The following ROBO2 variants were observed in gnomAD, a reference collection of about 807,000 sequenced individuals.
The protein encoded by ROBO2 is roundabout guidance receptor 2.
In ROBO2, 53 loss-of-function variants were observed where a neutral mutation model predicts 160.8. The observed-to-expected ratio is 0.33, with a 90% confidence interval of 0.26 to 0.41. The LOEUF (loss-of-function observed/expected upper bound fraction) is 0.41, where lower values mean the gene tolerates loss of function less well. Among genes scored for constraint, ROBO2 ranks in the 10% least tolerant of loss-of-function variants. The probability of loss-of-function intolerance (pLI) is 1.00; values close to 1 mark genes in which losing one functional copy is unlikely to be tolerated. For synonymous variants in ROBO2, 664 were observed against 611.7 expected, an observed-to-expected ratio of 1.09 and a Z score of -1.26; for missense variants, 1,577 against 1,722.4, an observed-to-expected ratio of 0.92 and a Z score of 1.49.
chr3:76,791,856 G>A (rs912665568), intron 2 of ROBO2, among the ~76,000 whole-genome samples: 2 of 151,682 alleles, frequency 1.3e-5, no homozygotes, highest in African/African-American at 4.8e-5. Flanking sequence ...ATTAAAAATA[G>A]TACAAACTTT....
intron 2 of ROBO2, among the ~76,000 whole-genome samples, chr3:77,007,292 CCAA>C (rs2061631489): frequency 6.6e-6 from 1 of 152,104 alleles, no homozygotes; most frequent in South Asian, 2.1e-4. Flanking sequence ...GAATTCATCA[CCAA>C]CGACAGATAC....
intron 2 of ROBO2, among the ~76,000 whole-genome samples, chr3:76,018,618 T>A (rs1014270344): frequency 6.6e-6 from 1 of 151,910 alleles, no homozygotes; most frequent in Non-Finnish European, 1.5e-5. Context: ...AAAAAAATTG[T>A]TTTTTTCTGA....
chr3:76,347,357 G>C (rs930537719), intron 2 of ROBO2, among the ~76,000 whole-genome samples: 2 of 152,064 alleles, frequency 1.3e-5, no homozygotes, highest in Admixed American at 1.3e-4. Context: ...TTTATATTGA[G>C]TTTAAACAGT....
At chr3:76,339,499 A>G (rs1317096643) in intron 2 of ROBO2, among the ~76,000 whole-genome samples, 2 of 152,144 alleles carry the variant, frequency 1.3e-5, no homozygotes, top group Non-Finnish European at 2.9e-5. Context: ...TTATGAGGAC[A>G]AAAGATTGAC....
chr3:76,132,187 C>T (rs2071247858), intron 2 of ROBO2, among the ~76,000 whole-genome samples: 1 of 152,120 alleles, frequency 6.6e-6, no homozygotes, highest in Non-Finnish European at 1.5e-5. Flanking sequence ...AACCCCAAGA[C>T]AAGTTTTCAA....
intron 1 of ROBO2, among the ~76,000 whole-genome samples, chr3:75,935,265 A>T (rs1272317838): frequency 2.6e-5 from 4 of 152,182 alleles, no homozygotes; most frequent in Admixed American, 1.3e-4. Context: ...CACACCTGTA[A>T]TCTCATTGCT....
At chr3:77,522,992 T>G in intron 6 of ROBO2, 90 bp downstream of exon 6, 2 of 1,490,578 alleles carry the variant, frequency 1.3e-6, no homozygotes, top group Non-Finnish European at 1.9e-6. Context: ...AATAATGAAT[T>G]ATGCTGTTTT....
At chr3:76,728,084 A>T (rs144586538) in intron 2 of ROBO2, among the ~76,000 whole-genome samples, 74 of 152,230 alleles carry the variant, frequency 4.9e-4, no homozygotes, top group African/African-American at 1.8e-3. Context: ...AAGGACAAGT[A>T]ACCTATTGCT....
intron 2 of ROBO2, among the ~76,000 whole-genome samples, chr3:77,353,701 G>T (rs1378228853): frequency 1.3e-5 from 2 of 151,990 alleles, no homozygotes; most frequent in African/African-American, 4.8e-5. Flanking sequence ...AGTAGAGATG[G>T]GGTTTCACCA....
intron 2 of ROBO2, among the ~76,000 whole-genome samples, chr3:76,594,903 C>T (rs1421461594): frequency 2.6e-5 from 4 of 152,090 alleles, no homozygotes; most frequent in East Asian, 1.9e-4. Context: ...AATAAAGCTA[C>T]GGACTAAATT....
intron 2 of ROBO2, among the ~76,000 whole-genome samples, chr3:76,395,036 C>T (rs1269890370): frequency 6.6e-6 from 1 of 152,074 alleles, no homozygotes; most frequent in Admixed American, 6.6e-5. Flanking sequence ...TTTTTCAGCA[C>T]CGCACCACAC....
chr3:76,619,978 T>C (rs564774965), intron 2 of ROBO2, among the ~76,000 whole-genome samples: 4 of 152,280 alleles, frequency 2.6e-5, no homozygotes, highest in Admixed American at 2.6e-4. Flanking sequence ...TTAACAGTGG[T>C]GCTTGGCTTA....
At chr3:76,747,913 A>G (rs922396867) in intron 2 of ROBO2, among the ~76,000 whole-genome samples, 1 of 152,048 alleles carries the variant, frequency 6.6e-6, no homozygotes, top group Non-Finnish European at 1.5e-5. Context: ...TTTAACCTGT[A>G]TAAATTTCAT....
At chr3:76,717,491 CA>C (rs538321640) in intron 2 of ROBO2, among the ~76,000 whole-genome samples, 1,859 of 73,084 alleles carry the variant, frequency 0.025, 24 homozygotes, top group African/African-American at 0.068. Flanking sequence ...ACCCTGTCTC[CA>C]AAAAAAAAAA....
At chr3:76,906,507 T>A (rs2075614066) in intron 2 of ROBO2, among the ~76,000 whole-genome samples, 1 of 151,834 alleles carries the variant, frequency 6.6e-6, no homozygotes, top group African/African-American at 2.4e-5. Flanking sequence ...TAATAATAAT[T>A]ATTATTAAGT....
At chr3:77,409,362 T>G (rs1335511177) in intron 2 of ROBO2, among the ~76,000 whole-genome samples, 9 of 152,098 alleles carry the variant, frequency 5.9e-5, no homozygotes, top group African/African-American at 2.2e-4. Context: ...ATGATCATTT[T>G]GATTCTATAG....
intron 1 of ROBO2, among the ~76,000 whole-genome samples, chr3:77,092,383 A>G (rs1360433140): frequency 6.6e-6 from 1 of 151,900 alleles, no homozygotes; most frequent in African/African-American, 2.4e-5. Flanking sequence ...ATTAAAGGTC[A>G]TGAGTTCTAA....
chr3:77,461,595 A>G (rs1312401800), intron 2 of ROBO2, among the ~76,000 whole-genome samples: 1 of 152,052 alleles, frequency 6.6e-6, no homozygotes, highest in Non-Finnish European at 1.5e-5. Flanking sequence ...GAAATATAAA[A>G]GACATAGCAT....
At chr3:76,975,153 T>C (rs1444743901) in intron 2 of ROBO2, among the ~76,000 whole-genome samples, 4 of 152,204 alleles carry the variant, frequency 2.6e-5, no homozygotes, top group Admixed American at 2.6e-4. Flanking sequence ...ACTTGTGTTC[T>C]TGGATCTTTG....
Sources: gnomAD v4.1 joint callset for allele counts (sites outside exome capture counted in the v4.1 genomes callset) on GRCh38, gnomAD v4.1.1 for gene constraint, MANE v1.5 for transcripts, NCBI Gene and HGNC (gene_info 2026-07-23, HGNC 2026-07-21) for gene names.